Variants in SLC38A8 observed in about 807,000 individuals in gnomAD.
SLC38A8 encodes the protein amino acid transporter SLC38A8.
A neutral mutation model predicts 46.0 loss-of-function variants in SLC38A8; 65 were observed. That is an observed-to-expected ratio of 1.41 (90% CI 1.16 to 1.74). SLC38A8 has a LOEUF of 1.74. Among genes scored for constraint, SLC38A8 ranks in the 40% most tolerant of loss-of-function variants. SLC38A8 has a pLI of 0.00. For synonymous variants in SLC38A8, 447 were observed against 243.7 expected, an observed-to-expected ratio of 1.83 and a Z score of -7.77; for missense variants, 998 against 567.9, an observed-to-expected ratio of 1.76 and a Z score of -7.70.
chr16:84,019,847 A>T (rs1174992656), intron 7 of SLC38A8, among the ~76,000 whole-genome samples: 1 of 152,268 alleles, frequency 6.6e-6, no homozygotes, highest in Non-Finnish European at 1.5e-5. Flanking sequence ...CCTGAAACCC[A>T]GCAGAGCAGA....
intron 3 of SLC38A8, among the ~76,000 whole-genome samples, chr16:84,035,054 A>G (rs943268153): frequency 3.9e-5 from 6 of 152,210 alleles, no homozygotes; most frequent in African/African-American, 1.4e-4. Flanking sequence ...CTAACCAGAT[A>G]TACACAAGAA....
intron 10 of SLC38A8, 88 bp downstream of exon 10, chr16:84,012,913 G>A: frequency 7.1e-7 from 1 of 1,404,726 alleles, no homozygotes; most frequent in Admixed American, 1.8e-5. Flanking sequence ...TGCAGAGGAT[G>A]AGAAATAGGA....
chr16:84,032,836 CTG>C (rs1555555661), intron 4 of SLC38A8, among the ~76,000 whole-genome samples: 1 of 152,042 alleles, frequency 6.6e-6, no homozygotes, highest in Non-Finnish European at 1.5e-5. Flanking sequence ...AAAACAACCT[CTG>C]TGTGTGTGCA....
At chr16:84,019,157 C>A (rs978765563) in intron 7 of SLC38A8, among the ~76,000 whole-genome samples, 1 of 152,042 alleles carries the variant, frequency 6.6e-6, no homozygotes, top group African/African-American at 2.4e-5. Context: ...TCACTGCAAC[C>A]TGTGCCTTCC....
chr16:84,031,495 G>A (rs539316611), intron 5 of SLC38A8, among the ~76,000 whole-genome samples: 30 of 152,240 alleles, frequency 2.0e-4, no homozygotes, highest in Admixed American at 7.2e-4. Flanking sequence ...CCCTTGTTCC[G>A]GCTGGCTTGG....
intron 4 of SLC38A8, among the ~76,000 whole-genome samples, chr16:84,033,018 G>C (rs867651839): frequency 9.9e-5 from 15 of 150,834 alleles, no homozygotes; most frequent in African/African-American, 3.4e-4. Context: ...GGGTAGGTGG[G>C]TGTGTATGTG....
chr16:84,010,283 C>T (rs956739983), intron 10 of SLC38A8, among the ~76,000 whole-genome samples: 2 of 152,042 alleles, frequency 1.3e-5, no homozygotes, highest in Admixed American at 6.6e-5. Flanking sequence ...GTTTGCTAGG[C>T]TGGTCTTGAA....
Position 84,023,202 on chromosome 16 carries a change from C to T in SLC38A8, c.691-313G>A, listed in dbSNP as rs78429665. On this transcript the variant is annotated intron_variant, in intron 6 of 10. Transcript: ENST00000299709. ...TTACAAACACCCACTGCCCCTTTCC[C>T]CTCTCTCCCTTACCTGCCCACCTTA... 6.6e-5 allele frequency among the ~76,000 whole-genome samples: 10 copies of T among 152,156 alleles called. No homozygotes were observed. The East Asian group carries it at 1.9e-3, about 29-fold the overall frequency.
intron 2 of SLC38A8, 137 bp from the exon 3 acceptor site, chr16:84,037,037 G>T (rs1026679409): frequency 4.7e-6 from 4 of 843,832 alleles, no homozygotes; most frequent in Non-Finnish European, 7.4e-6. Flanking sequence ...GGGGTTGGCA[G>T]TCTACCAGCT....
chr16:84,029,537 G>C lies in SLC38A8; in HGVS notation c.647C>G (p.Thr216Ser). Residue 216 changes from threonine (T) to serine (S), a missense_variant, in exon 6 of 11, where the codon ACC becomes AGC. Physicochemically the swap from Thr to Ser is moderately conservative, Grantham distance 58. Transcript: ENST00000299709. ...GGTGGGGAAGACACTGAACACAGAGGTCCAGGAGGCAGGGCTGTAAACAGA... is the reference window on the plus strand; with the variant it reads ...GGTGGGGAAGACACTGAACACAGAGCTCCAGGAGGCAGGGCTGTAAACAGA... ...SHPSLSPASW[T>S]SVFSVFPTIC... 2.5e-6 allele frequency: 4 copies of C among 1,614,140 alleles called. No individual in the cohort carries two copies. The highest frequency in any genetic ancestry group is 3.4e-6 in the Non-Finnish European group (4 of 1,180,004).
chr16:84,039,186 A>G (rs2085338613), intron 2 of SLC38A8, among the ~76,000 whole-genome samples: 2 of 152,180 alleles, frequency 1.3e-5, no homozygotes, highest in African/African-American at 4.8e-5. Flanking sequence ...GAGGGAGCGA[A>G]GCCCTGCTGA....
At chr16:84,022,931 T>C (rs1214988468) in intron 6 of SLC38A8, 42 bp from the exon 7 acceptor site, 39 of 1,456,874 alleles carry the variant, frequency 2.7e-5, no homozygotes, top group Non-Finnish European at 3.4e-5. Flanking sequence ...TGGCTTCCCC[T>C]GGAACAGGCG....
intron 9 of SLC38A8, among the ~76,000 whole-genome samples, chr16:84,015,809 G>C (rs889591768): frequency 6.6e-6 from 1 of 152,196 alleles, no homozygotes; most frequent in African/African-American, 2.4e-5. Flanking sequence ...GGGTTCAAGT[G>C]ATTCTCCTGC....
chr16:84,012,920 A>G (rs2084971066), intron 10 of SLC38A8, 81 bp downstream of exon 10: 2 of 1,451,760 alleles, frequency 1.4e-6, no homozygotes, highest in Non-Finnish European at 1.9e-6. Context: ...GATGAGAAAT[A>G]GGATCTGCAG....
At chr16:84,036,305 T>G (rs928738993) in intron 3 of SLC38A8, among the ~76,000 whole-genome samples, 8 of 152,196 alleles carry the variant, frequency 5.3e-5, no homozygotes, top group African/African-American at 1.9e-4. Context: ...AAGCAGTGCT[T>G]AGAGGGAAAG....
chr16:84,034,330 C>T (rs1163335554), intron 3 of SLC38A8, among the ~76,000 whole-genome samples: 1 of 152,264 alleles, frequency 6.6e-6, no homozygotes, highest in South Asian at 2.1e-4. Context: ...GACACAAGCT[C>T]CACTAACCTC....
intron 4 of SLC38A8, among the ~76,000 whole-genome samples, chr16:84,032,855 T>G (rs2085258736): frequency 6.6e-6 from 1 of 151,014 alleles, no homozygotes. Context: ...TGCACACATG[T>G]GCGTGCATGG....
intron 6 of SLC38A8, 84 bp from the exon 7 acceptor site, chr16:84,022,973 GA>G (rs2085113543): frequency 4.3e-6 from 4 of 921,950 alleles, no homozygotes; most frequent in Non-Finnish European, 6.4e-6. Context: ...CAAAAGGCGG[GA>G]AATGTGGGAT....
At chr16:84,022,547 C>T (rs1040787887) in intron 7 of SLC38A8, among the ~76,000 whole-genome samples, 1 of 152,222 alleles carries the variant, frequency 6.6e-6, no homozygotes, top group Non-Finnish European at 1.5e-5. Context: ...CTCAGCTTTG[C>T]AGATCTAGCT....
Sources: allele counts gnomAD v4.1 joint callset (sites outside exome capture counted in the v4.1 genomes callset), GRCh38; gene constraint gnomAD v4.1.1; transcripts MANE v1.5; gene names NCBI Gene and HGNC (gene_info 2026-07-23, HGNC 2026-07-21).